IQCM: variants seen among roughly 807,000 people sequenced by gnomAD.
IQCM encodes the protein IQ motif containing M.
A neutral mutation model predicts 57.6 loss-of-function variants in IQCM; 45 were observed. The observed-to-expected ratio is 0.78, with a 90% CI of 0.62 to 1.00. The LOEUF is 1.00. Ranked by LOEUF, IQCM falls within the 50% of genes least tolerant of loss-of-function variation. The probability of loss-of-function intolerance (pLI) is 0.00; values close to 1 mark genes in which losing one functional copy is unlikely to be tolerated. For synonymous variants in IQCM, 148 were observed against 158.9 expected (o/e 0.93, Z 0.51); for missense variants, 468 against 511.6 (o/e 0.91, Z 0.82).
chr4:149,503,429 T>G (rs983512162), intron 12 of IQCM, among the ~76,000 whole-genome samples: 2 of 152,080 alleles, frequency 1.3e-5, no homozygotes, highest in African/African-American at 4.8e-5. Flanking sequence ...TTAAAGACAT[T>G]TGAGGATGAG....
chr4:149,726,180 T>C (rs1400012323), intron 5 of IQCM, among the ~76,000 whole-genome samples: 1 of 151,558 alleles, frequency 6.6e-6, no homozygotes, highest in Non-Finnish European at 1.5e-5. Context: ...CATAGCAAAC[T>C]ATATTTTCAC....
intron 5 of IQCM, among the ~76,000 whole-genome samples, chr4:149,725,936 G>T (rs960800653): frequency 3.0e-4 from 46 of 152,008 alleles, no homozygotes; most frequent in Non-Finnish European, 4.6e-4. Context: ...TTTTCCTAAG[G>T]AGACAGCTTT....
intron 13 of IQCM, among the ~76,000 whole-genome samples, chr4:149,425,278 G>A (rs980828148): frequency 1.3e-5 from 2 of 151,934 alleles, no homozygotes; most frequent in Non-Finnish European, 2.9e-5. Context: ...GCTATATAGA[G>A]ATATACATAA....
chr4:149,431,827 T>C (rs970839895), intron 13 of IQCM, among the ~76,000 whole-genome samples: 21 of 151,930 alleles, frequency 1.4e-4, no homozygotes, highest in Non-Finnish European at 2.8e-4. Context: ...CCTCCAAATC[T>C]GCTGAACCAA....
chr4:149,778,741 C>G (rs1365223966), intron 2 of IQCM, among the ~76,000 whole-genome samples: 1 of 151,828 alleles, frequency 6.6e-6, no homozygotes, highest in Non-Finnish European at 1.5e-5. Context: ...AATATGAAAA[C>G]AAATGAAATA....
At chr4:149,455,051 G>T (rs769884745) in intron 12 of IQCM, among the ~76,000 whole-genome samples, 1 of 152,052 alleles carries the variant, frequency 6.6e-6, no homozygotes, top group Non-Finnish European at 1.5e-5. Context: ...TCAACACAAT[G>T]ATGGTGTGAA....
intron 2 of IQCM, among the ~76,000 whole-genome samples, chr4:149,748,433 C>A (rs1258861302): frequency 2.0e-5 from 3 of 152,152 alleles, no homozygotes; most frequent in Non-Finnish European, 4.4e-5. Context: ...TTTCAGTTCT[C>A]AACTCATTAA....
chr4:149,386,358 G>A (rs1170649926), intron 13 of IQCM, among the ~76,000 whole-genome samples: 2 of 152,006 alleles, frequency 1.3e-5, no homozygotes, highest in African/African-American at 4.8e-5. Context: ...TAGAGAATAT[G>A]TAACAAACTC....
chr4:149,569,296 A>T (rs755965609), intron 9 of IQCM, among the ~76,000 whole-genome samples: 1 of 152,166 alleles, frequency 6.6e-6, no homozygotes, highest in Non-Finnish European at 1.5e-5. Context: ...TGTCAAATTG[A>T]TTTTTTCAAA....
At chr4:149,448,548 C>A (rs1736752519) in intron 12 of IQCM, among the ~76,000 whole-genome samples, 1 of 151,006 alleles carries the variant, frequency 6.6e-6, no homozygotes, top group South Asian at 2.1e-4. Flanking sequence ...TAAAGAAAAT[C>A]AATGAAACAA....
intron 8 of IQCM, among the ~76,000 whole-genome samples, chr4:149,619,585 T>C (rs1424531570): frequency 6.6e-6 from 1 of 152,200 alleles, no homozygotes; most frequent in East Asian, 1.9e-4. Context: ...TTAAAAGTTT[T>C]GGTTTACAGA....
intron 12 of IQCM, among the ~76,000 whole-genome samples, chr4:149,453,784 GCAA>G (rs1304970119): frequency 1.3e-5 from 2 of 151,826 alleles, no homozygotes; most frequent in African/African-American, 4.8e-5. Flanking sequence ...GTAAAATAGT[GCAA>G]CAACTTTGCA....
chr4:149,599,924 TG>T (rs1441731625), intron 8 of IQCM, among the ~76,000 whole-genome samples: 1 of 152,204 alleles, frequency 6.6e-6, no homozygotes, highest in Non-Finnish European at 1.5e-5. Context: ...TTTTATAATT[TG>T]GGGGCATTTT....
intron 8 of IQCM, among the ~76,000 whole-genome samples, chr4:149,590,317 G>T (rs1186012780): frequency 7.1e-6 from 1 of 140,574 alleles, no homozygotes; most frequent in Non-Finnish European, 1.5e-5. Context: ...AAGGGGTCTG[G>T]TGTTTTTCTA....
At chr4:149,564,468 T>C (rs575600559) in intron 9 of IQCM, among the ~76,000 whole-genome samples, 12 of 152,214 alleles carry the variant, frequency 7.9e-5, no homozygotes, top group South Asian at 4.2e-4. Context: ...CTTGACCAGA[T>C]TGAAGGAACA....
chr4:149,729,492 T>C (rs561353752), intron 5 of IQCM, among the ~76,000 whole-genome samples: 29 of 152,204 alleles, frequency 1.9e-4, no homozygotes, highest in East Asian at 5.8e-4. Flanking sequence ...TTTACCTTTT[T>C]TGAAATGGAG....
intron 2 of IQCM, chr4:149,790,294 T>C (rs558238893): frequency 4.1e-6 from 1 of 243,612 alleles, no homozygotes; most frequent in East Asian, 9.5e-5. Context: ...CTGCTAGTTA[T>C]GTTTCATGAA....
At chr4:149,585,387 A>G (rs930987313) in intron 9 of IQCM, among the ~76,000 whole-genome samples, 2 of 151,728 alleles carry the variant, frequency 1.3e-5, no homozygotes, top group East Asian at 3.9e-4. Flanking sequence ...GTTTCGTGGA[A>G]TTTTTATGAT....
At chr4:149,651,375 G>C (rs1759162428) in intron 7 of IQCM, among the ~76,000 whole-genome samples, 1 of 152,132 alleles carries the variant, frequency 6.6e-6, no homozygotes, top group South Asian at 2.1e-4. Flanking sequence ...GGGGTAAGAA[G>C]AGCTACTCAA....
Sources: gnomAD v4.1 joint callset for allele counts (sites outside exome capture counted in the v4.1 genomes callset) on GRCh38, gnomAD v4.1.1 for gene constraint, MANE v1.5 for transcripts, NCBI Gene and HGNC (gene_info 2026-07-23, HGNC 2026-07-21) for gene names.